The following ID1 variants were observed in gnomAD, a reference collection of about 807,000 sequenced individuals.
The protein encoded by ID1 is DNA-binding protein inhibitor ID-1.
In ID1, 8 loss-of-function variants were observed where a neutral mutation model predicts 11.3. The ratio of observed to expected loss-of-function variants is 0.71; its 90% CI spans 0.42 to 1.28. ID1 has a LOEUF of 1.28. ID1 is among the 50% of genes most tolerant of loss of function. The pLI is 0.01. For synonymous variants in ID1, 176 were observed against 100.2 expected, an observed-to-expected ratio of 1.76 and a Z score of -4.52; for missense variants, 347 against 219.8, an observed-to-expected ratio of 1.58 and a Z score of -3.66.
rs375753998 is a variant in ID1 at position 31,606,042 on chromosome 20, C to T, written c.427-11C>T. The T allele has an allele frequency of 4.6e-4, 737 of 1,612,508 alleles. No homozygotes were observed. Among genetic ancestry groups the T allele is most frequent in the Non-Finnish European group, 5.9e-4 (695 of 1,180,022 alleles). On this transcript the variant is annotated splice_polypyrimidine_tract_variant and intron_variant, in intron 1 of 1. Coordinates refer to ENST00000376112, the MANE Select transcript of ID1 (RefSeq NM_002165.4). ...CCAACCCGCCGGTCTCATTTCTTCT[C>T]GTTTTCACAGGCGGCATGCGTTCCT...
In ID1 at chr20:31,605,770, C is replaced by T. The variant is rs1223970977; in HGVS notation, c.383C>T (p.Pro128Leu). Residue 128 changes from proline to leucine, a missense_variant, in exon 1 of 2, where the codon CCG (proline) becomes CTG (leucine). Pro to Leu is a moderately conservative substitution (Grantham distance 98). Coordinates refer to ENST00000376112, the MANE Select transcript of ID1 (RefSeq NM_002165.4). ...GGCCGAGGGCTGCCGGTCCGGGCTC[C>T]GCTCAGCACCCTCAACGGCGAGATC... ...PGGRGLPVRA[P>L]LSTLNGEISA... 63 of 1,610,588 alleles carry T rather than the reference C, an allele frequency of 3.9e-5. No individual in the cohort carries two copies. The highest frequency in any genetic ancestry group is 5.3e-5 in the Non-Finnish European group (62 of 1,178,488).
rs1986110649 is a variant in ID1 at position 31,606,314 on chromosome 20, A to T, written c.*220A>T. 3.4e-6 allele frequency: 2 copies of T among 584,938 alleles called. No homozygotes were observed. The highest frequency in any genetic ancestry group is 4.5e-5 in the South Asian group (2 of 44,140). 36.2% of individuals were successfully genotyped at this position (584,938 alleles called of 1,614,324 possible). A position where few individuals can be genotyped will look rare whatever the true frequency, so the allele number is the denominator to read the frequency against. ...ACACCTACTAGTCACCAGAGACTTT[A>T]GGGGGTGGGATTCCACTCGTGTGTT... On this transcript the variant is annotated 3_prime_UTR_variant, in exon 2 of 2. Coordinates refer to ENST00000376112, the MANE Select transcript of ID1 (RefSeq NM_002165.4).
chr20:31,605,956 C>G (rs1986091404), intron 1 of ID1, 97 bp from the exon 2 acceptor site: 1 of 1,600,806 alleles, frequency 6.2e-7, no homozygotes. Flanking sequence ...CTGGAAAAAG[C>G]GCTCCCCCGT....
At position 31,606,436 on chromosome 20, in the gene ID1, A is replaced by G. The variant is rs1049895; in HGVS notation, c.*342A>G. 6.0e-6 allele frequency: 2 copies of G among 332,252 alleles called. No homozygotes were observed. Among genetic ancestry groups the G allele is most frequent in the Non-Finnish European group, 1.2e-5 (2 of 172,452 alleles). The allele number at this position is 332,252 out of a possible 1,614,324, so 20.6% of individuals were successfully genotyped here. On this transcript the variant is annotated 3_prime_UTR_variant, in exon 2 of 2. Coordinates refer to ENST00000376112, the MANE Select transcript of ID1 (RefSeq NM_002165.4). ...CTTTGTATTGTATATTACAATGATC[A>G]CCGACTGAAAATATTGTTTTACAAT...
intron 1 of ID1, 86 bp from the exon 2 acceptor site, chr20:31,605,967 C>A (rs61731022): frequency 3.1e-6 from 5 of 1,607,450 alleles, no homozygotes; most frequent in South Asian, 2.2e-5. Flanking sequence ...GCTCCCCCGT[C>A]GTGCTTCCTG....
rs1370030067 is a variant in ID1 at position 31,606,089 on chromosome 20, C to A, written c.463C>A (p.Arg155Ser). Residue 155 changes from arginine to serine, a missense_variant, in exon 2 of 2, where the codon CGC (arginine) becomes AGC (serine). Physicochemically the swap from Arg to Ser is moderately radical, Grantham distance 110. Transcript: ENST00000376112. ...TCCTGCGGACGATCGCATCTTGTGT[C>A]GCTGAAGCGCCTCCCCCAGGGACCG... ...CVPADDRILCR is the reference protein window; with the variant it reads ...CVPADDRILCS The A allele has an allele frequency of 6.2e-7, 1 of 1,608,698 alleles. No individual in the cohort carries two copies. Among genetic ancestry groups the A allele is most frequent in the African/African-American group, 1.3e-5 (1 of 74,946 alleles).
Position 31,605,537 on chromosome 20 carries a change from G to A in ID1, c.150G>A (p.Gly50=). ...VAISRCAGGA[G]ARLPALLDEQ... ...TCTCGCGCTGCGCCGGGGGCGCCGG[G>A]GCGCGCCTGCCTGCCCTGCTGGACG... Residue 50 remains glycine (G), a synonymous_variant, in exon 1 of 2, where the codon GGG becomes GGA. Coordinates refer to ENST00000376112, the MANE Select transcript of ID1 (RefSeq NM_002165.4). The A allele has an allele frequency of 6.4e-7, 1 of 1,558,222 alleles. No individual in the cohort carries two copies. The highest frequency in any genetic ancestry group is 1.4e-5 in the African/African-American group (1 of 73,832).
chr20:31,605,513 C>G lies in ID1; in HGVS notation c.126C>G (p.Ile42Met). 6.3e-7 allele frequency: 1 copy of G among 1,583,564 alleles called. No individual in the cohort carries two copies. Among genetic ancestry groups the G allele is most frequent in the Non-Finnish European group, 8.6e-7 (1 of 1,163,156 alleles). Residue 42 changes from isoleucine (I) to methionine (M), a missense_variant, in exon 1 of 2, where the codon ATC becomes ATG. Coordinates refer to ENST00000376112, the MANE Select transcript of ID1 (RefSeq NM_002165.4). ...GTCTGTCTGAGCAGAGCGTGGCCAT[C>G]TCGCGCTGCGCCGGGGGCGCCGGGG... ...VRCLSEQSVA[I>M]SRCAGGAGAR...
At position 31,606,269 on chromosome 20, in the gene ID1, G is replaced by A. The variant is rs1171517552; in HGVS notation, c.*175G>A. On this transcript the variant is annotated 3_prime_UTR_variant, in exon 2 of 2. Transcript: ENST00000376112. Reference sequence around the variant, plus strand: ...GGGCTGAGGCTGAGGCACTGGCGAGGAGAGGGCGCTCCTCTCTGCACACCT... The same window carrying A: ...GGGCTGAGGCTGAGGCACTGGCGAGAAGAGGGCGCTCCTCTCTGCACACCT... 1 of 665,690 alleles carries A rather than the reference G, an allele frequency of 1.5e-6. No individual in the cohort carries two copies. The highest frequency in any genetic ancestry group is 2.7e-6 in the Non-Finnish European group (1 of 373,874). 41.2% of individuals were successfully genotyped at this position (665,690 alleles called of 1,614,324 possible). A position where few individuals can be genotyped will look rare whatever the true frequency, so the allele number is the denominator to read the frequency against.
In ID1 at chr20:31,606,166, C is replaced by G. The variant is rs116636122; in HGVS notation, c.*72C>G. On this transcript the variant is annotated 3_prime_UTR_variant, in exon 2 of 2. Coordinates refer to ENST00000376112, the MANE Select transcript of ID1 (RefSeq NM_002165.4). The stretch of plus-strand genomic sequence containing the variant: ...GAGGAATTACGTGCTCTGTGGGTCT[C>G]CCCCAACGCGCCTCGCCGGATCTGA... The G allele has an allele frequency of 5.3e-4, 784 of 1,477,738 alleles. 1 individual carries two copies. In the African/African-American group the frequency reaches 0.01, roughly 19 times the overall value. The allele number at this position is 1,477,738 out of a possible 1,614,324, so 91.5% of individuals were successfully genotyped here. A position where few individuals can be genotyped will look rare whatever the true frequency, so the allele number is the denominator to read the frequency against.
At position 31,605,814 on chromosome 20, in the gene ID1, G is replaced by C. The variant is rs1483438794; in HGVS notation, c.426+1G>C. 1 of 1,611,408 alleles carries C rather than the reference G, an allele frequency of 6.2e-7. No individual in the cohort carries two copies. Among genetic ancestry groups the C allele is most frequent in the Non-Finnish European group, 8.5e-7 (1 of 1,178,944 alleles). On this transcript the variant is annotated splice_donor_variant, in intron 1 of 1. Coordinates refer to ENST00000376112, the MANE Select transcript of ID1 (RefSeq NM_002165.4). LOFTEE classifies it high-confidence loss of function. Reference sequence around the variant, plus strand: ...CGAGATCAGCGCCCTGACGGCCGAGGTGAGATCCAGATCCGACCACTAGAT... The same window carrying C: ...CGAGATCAGCGCCCTGACGGCCGAGCTGAGATCCAGATCCGACCACTAGAT...
rs374447523 is a variant in ID1 at position 31,605,580 on chromosome 20, C to G, written c.193C>G (p.Leu65Val). The change falls in exon 1 of 2, where the codon CTG (leucine) becomes GTG (valine). Residue 65 changes from leucine (L) to valine (V), a missense_variant. By Grantham distance (32) the Leu-to-Val change is conservative. Coordinates refer to ENST00000376112, the MANE Select transcript of ID1 (RefSeq NM_002165.4). The stretch of plus-strand genomic sequence containing the variant: ...GCTGGACGAGCAGCAGGTAAACGTG[C>G]TGCTCTACGACATGAACGGCTGTTA... ...ALLDEQQVNV[L>V]LYDMNGCYSR... The G allele has an allele frequency of 3.5e-5, 54 of 1,562,826 alleles. 1 individual carries two copies. Among genetic ancestry groups the G allele is most frequent in the South Asian group, 4.7e-5 (4 of 85,686 alleles).
rs563723944 is a variant in ID1, at chr20:31,605,613, C to T, written c.226C>T (p.Leu76Phe). ...CGACATGAACGGCTGTTACTCACGC[C>T]TCAAGGAGCTGGTGCCCACCCTGCC... ...LYDMNGCYSRLKELVPTLPQN... is the reference protein window; with the variant it reads ...LYDMNGCYSRFKELVPTLPQN... Residue 76 changes from leucine to phenylalanine, a missense_variant, in exon 1 of 2, where the codon CTC (leucine) becomes TTC (phenylalanine). Leu to Phe is a conservative substitution (Grantham distance 22, BLOSUM62 0). Coordinates refer to ENST00000376112, the MANE Select transcript of ID1 (RefSeq NM_002165.4). 1.3e-6 allele frequency: 2 copies of T among 1,580,230 alleles called. No individual in the cohort carries two copies. The highest frequency in any genetic ancestry group is 1.7e-6 in the Non-Finnish European group (2 of 1,163,742).
At position 31,605,293 on chromosome 20, in the gene ID1, C is replaced by A; in HGVS notation, c.-95C>A. On this transcript the variant is annotated 5_prime_UTR_variant, in exon 1 of 2. Coordinates refer to ENST00000376112, the MANE Select transcript of ID1 (RefSeq NM_002165.4). ...AAGCTGTGGCTCCGCACTCTCATTC[C>A]ACGTTCTTAACTGTTCCATTTTCCG... 1.7e-6 allele frequency: 2 copies of A among 1,186,382 alleles called. No homozygotes were observed. The highest frequency in any genetic ancestry group is 2.3e-6 in the Non-Finnish European group (2 of 853,116). The allele number at this position is 1,186,382 out of a possible 1,614,324, so 73.5% of individuals were successfully genotyped here.
rs911656889 is a variant in ID1 at position 31,605,317 on chromosome 20, C to T, written c.-71C>T. 1.8e-5 allele frequency: 25 copies of T among 1,396,780 alleles called. 1 individual carries two copies. Among genetic ancestry groups the T allele is most frequent in the African/African-American group, 8.8e-5 (6 of 67,830 alleles). 86.5% of individuals were successfully genotyped at this position (1,396,780 alleles called of 1,614,324 possible). ...CCACGTTCTTAACTGTTCCATTTTC[C>T]GTATCTGCTTCGGGCTTCCACCTCA... On this transcript the variant is annotated 5_prime_UTR_variant, in exon 1 of 2. Coordinates refer to ENST00000376112, the MANE Select transcript of ID1 (RefSeq NM_002165.4).
In ID1 at chr20:31,605,342, A is replaced by T. The variant is rs751393464; in HGVS notation, c.-46A>T. On this transcript the variant is annotated 5_prime_UTR_variant, in exon 1 of 2. Coordinates refer to ENST00000376112, the MANE Select transcript of ID1 (RefSeq NM_002165.4). ...CGTATCTGCTTCGGGCTTCCACCTC[A>T]TTTTTTTCGCTTTGCCCATTCTGTT... The T allele has an allele frequency of 6.5e-7, 1 of 1,546,624 alleles. No individual in the cohort carries two copies. Among genetic ancestry groups the T allele is most frequent in the African/African-American group, 1.4e-5 (1 of 71,202 alleles).
At position 31,605,695 on chromosome 20, in the gene ID1, G is replaced by A; in HGVS notation, c.308G>A (p.Arg103Lys). ...EILQHVIDYIRDLQLELNSES... is the reference protein window; with the variant it reads ...EILQHVIDYIKDLQLELNSES... ...CTCCAGCACGTCATCGACTACATCA[G>A]GGACCTTCAGTTGGAGCTGAACTCG... Residue 103 changes from arginine to lysine, a missense_variant, in exon 1 of 2, where the codon AGG becomes AAG. Arg to Lys is a conservative substitution (Grantham distance 26). Transcript: ENST00000376112. 6.2e-7 allele frequency: 1 copy of A among 1,611,770 alleles called. No individual in the cohort carries two copies. The highest frequency in any genetic ancestry group is 8.5e-7 in the Non-Finnish European group (1 of 1,178,948).
In ID1 at chr20:31,606,285, C is replaced by T. The variant is rs1177012745; in HGVS notation, c.*191C>T. On this transcript the variant is annotated 3_prime_UTR_variant, in exon 2 of 2. Transcript: ENST00000376112. ...ACTGGCGAGGAGAGGGCGCTCCTCT[C>T]TGCACACCTACTAGTCACCAGAGAC... 1 of 622,134 alleles carries T rather than the reference C, an allele frequency of 1.6e-6. No individual in the cohort carries two copies. The highest frequency in any genetic ancestry group is 2.9e-6 in the Non-Finnish European group (1 of 342,382). The allele number at this position is 622,134 out of a possible 1,614,324, so 38.5% of individuals were successfully genotyped here. A position where few individuals can be genotyped will look rare whatever the true frequency, so the allele number is the denominator to read the frequency against.
rs781217748 is a variant in ID1 at position 31,605,347 on chromosome 20, T to C, written c.-41T>C. 9.0e-6 allele frequency: 14 copies of C among 1,556,512 alleles called. No homozygotes were observed. The highest frequency in any genetic ancestry group is 1.2e-5 in the Non-Finnish European group (14 of 1,156,298). ...CTGCTTCGGGCTTCCACCTCATTTT[T>C]TTCGCTTTGCCCATTCTGTTTCAGC... is the stretch of plus-strand genomic sequence containing the variant. On this transcript the variant is annotated 5_prime_UTR_variant, in exon 1 of 2. Coordinates refer to ENST00000376112, the MANE Select transcript of ID1 (RefSeq NM_002165.4).
Sources: allele counts gnomAD v4.1 joint callset, GRCh38; gene constraint gnomAD v4.1.1; transcripts MANE v1.5; gene names NCBI Gene and HGNC (gene_info 2026-07-23, HGNC 2026-07-21).